Variants in GOSR1 observed in about 807,000 individuals in gnomAD.
GOSR1 encodes the protein golgi SNAP receptor complex member 1.
GOSR1 carries 21 observed loss-of-function variants against 35.5 expected under a neutral mutation model. That is an observed-to-expected ratio of 0.59 (90% confidence interval 0.42 to 0.85). GOSR1 has a LOEUF of 0.85. Among genes scored for constraint, GOSR1 ranks in the 40% least tolerant of loss-of-function variants. GOSR1 has a pLI of 0.00. For missense variants in GOSR1, 285 were observed against 309.6 expected (o/e 0.92, Z 0.60); for synonymous variants, 94 against 106.6 (o/e 0.88, Z 0.73).
At chr17:30,510,308 A>T (rs1967568991) in intron 6 of GOSR1, among the ~76,000 whole-genome samples, 2 of 151,228 alleles carry the variant, frequency 1.3e-5, no homozygotes, top group South Asian at 4.3e-4. Context: ...TCCTGGCCTC[A>T]AGTGATCTGC....
At chr17:30,480,373 A>G (rs1914256537) in intron 1 of GOSR1, among the ~76,000 whole-genome samples, 1 of 152,196 alleles carries the variant, frequency 6.6e-6, no homozygotes, top group African/African-American at 2.4e-5. Flanking sequence ...CATAAGCCTA[A>G]TAAAGCTTTG....
chr17:30,508,338 T>C (rs182782636), intron 6 of GOSR1, among the ~76,000 whole-genome samples: 1 of 152,356 alleles, frequency 6.6e-6, no homozygotes, highest in African/African-American at 2.4e-5. Flanking sequence ...TATGTTCATA[T>C]TATACTTCCT....
At chr17:30,513,729 C>T (rs1222511216) in intron 7 of GOSR1, among the ~76,000 whole-genome samples, 1 of 152,024 alleles carries the variant, frequency 6.6e-6, no homozygotes, top group Non-Finnish European at 1.5e-5. Flanking sequence ...GGCGGGAGGA[C>T]TGCTTGAGGC....
chr17:30,517,816 T>A (rs1169722003), intron 7 of GOSR1, among the ~76,000 whole-genome samples: 1 of 152,216 alleles, frequency 6.6e-6, no homozygotes, highest in Non-Finnish European at 1.5e-5. Context: ...CAAGTTTTGA[T>A]TCATGTGTCA....
At position 30,494,674 on chromosome 17, in the gene GOSR1, C is replaced by G. The variant is rs371339221; in HGVS notation, c.509+1921C>G. Among the ~76,000 whole-genome samples, 19 of 151,954 alleles carry G rather than the reference C, an allele frequency of 1.3e-4. No homozygotes were observed. In the South Asian group the frequency reaches 2.7e-3, roughly 22 times the overall value. On this transcript the variant is annotated intron_variant, in intron 6 of 8. Transcript: ENST00000451249. The stretch of plus-strand genomic sequence containing the variant: ...CCAGGCTGGAGTGTCGCGGTGTGAT[C>G]TCAGCTCACTGTGCCCTCTGCCTCC...
rs373530090 is a variant in GOSR1, at chr17:30,523,148, C to T, written c.*770C>T. 9.3e-5 allele frequency: 18 copies of T among 192,630 alleles called. 1 individual carries two copies. The highest frequency in any genetic ancestry group is 5.1e-4 in the East Asian group (3 of 5,914). 11.9% of individuals were successfully genotyped at this position (192,630 alleles called of 1,614,324 possible). A position where few individuals can be genotyped will look rare whatever the true frequency, so the allele number is the denominator to read the frequency against. ...GCCGAGATTGCAGCCTCTGCCCGGC[C>T]GCCACCCCGTCTGGAAAGTGAGGAG... On this transcript the variant is annotated 3_prime_UTR_variant, in exon 9 of 9. Coordinates refer to ENST00000451249, the MANE Select transcript of GOSR1 (RefSeq NM_001007025.2).
At chr17:30,509,844 A>G (rs541944851) in intron 6 of GOSR1, among the ~76,000 whole-genome samples, 5 of 152,354 alleles carry the variant, frequency 3.3e-5, no homozygotes, top group African/African-American at 9.6e-5. Flanking sequence ...AATAAACATT[A>G]AGATGTAAAT....
At chr17:30,510,021 A>G (rs1045057997) in intron 6 of GOSR1, among the ~76,000 whole-genome samples, 4 of 152,164 alleles carry the variant, frequency 2.6e-5, no homozygotes, top group African/African-American at 7.2e-5. Flanking sequence ...ATTGTCAGGT[A>G]TCTCTGTGGA....
At chr17:30,495,720 T>C (rs1482772234) in intron 6 of GOSR1, 4 of 242,804 alleles carry the variant, frequency 1.6e-5, no homozygotes, top group Non-Finnish European at 3.3e-5. Context: ...CTGGATCTCA[T>C]AGGAGATTAA....
intron 5 of GOSR1, among the ~76,000 whole-genome samples, chr17:30,491,279 GA>G (rs1052579346): frequency 3.3e-5 from 5 of 152,046 alleles, no homozygotes; most frequent in African/African-American, 7.2e-5. Flanking sequence ...CTTGCTTTTT[GA>G]AAAATGGCCA....
chr17:30,484,424 C>G (rs1430986454), intron 3 of GOSR1, 123 bp downstream of exon 3: 1 of 705,870 alleles, frequency 1.4e-6, no homozygotes, highest in Admixed American at 2.2e-5. Flanking sequence ...ATGTGTACCT[C>G]CCCACACCAC....
At chr17:30,500,696 T>C (rs935150881) in intron 6 of GOSR1, among the ~76,000 whole-genome samples, 2 of 152,190 alleles carry the variant, frequency 1.3e-5, no homozygotes, top group African/African-American at 4.8e-5. Context: ...TTCAAAGTTA[T>C]TTTGACTCCT....
At chr17:30,516,893 T>G (rs1187889952) in intron 7 of GOSR1, among the ~76,000 whole-genome samples, 1 of 152,174 alleles carries the variant, frequency 6.6e-6, no homozygotes, top group Admixed American at 6.5e-5. Context: ...TTTGTATTTT[T>G]AGTAGAGAAG....
At chr17:30,478,617 A>G (rs928040069) in intron 1 of GOSR1, 4 of 137,402 alleles carry the variant, frequency 2.9e-5, no homozygotes, top group East Asian at 2.1e-4. Flanking sequence ...CGGTGGCGCT[A>G]TCGATCTCGG....
intron 1 of GOSR1, 40 bp downstream of exon 1, chr17:30,477,504 G>C (rs750936079): frequency 1.3e-6 from 2 of 1,596,704 alleles, no homozygotes; most frequent in South Asian, 1.1e-5. Flanking sequence ...CTACGAGGGT[G>C]AGAGGGGCTG....
At chr17:30,490,552 A>G (rs1337340406) in intron 5 of GOSR1, among the ~76,000 whole-genome samples, 1 of 152,030 alleles carries the variant, frequency 6.6e-6, no homozygotes, top group African/African-American at 2.4e-5. Flanking sequence ...TCCTCTGCAG[A>G]TGTGTCAAAG....
intron 4 of GOSR1, among the ~76,000 whole-genome samples, chr17:30,489,520 T>G (rs1422449517): frequency 6.6e-6 from 1 of 152,228 alleles, no homozygotes; most frequent in Non-Finnish European, 1.5e-5. Flanking sequence ...TTCTCCTCCA[T>G]GTTTATGTGT....
intron 6 of GOSR1, among the ~76,000 whole-genome samples, chr17:30,492,989 G>A: frequency 6.7e-6 from 1 of 150,354 alleles, no homozygotes; most frequent in South Asian, 2.1e-4. Flanking sequence ...TAATATGGTT[G>A]TTATTTTTTT....
rs913661007 is a variant in GOSR1 at position 30,522,539 on chromosome 17, T to C, written c.*161T>C. On this transcript the variant is annotated 3_prime_UTR_variant, in exon 9 of 9. Coordinates refer to ENST00000451249, the MANE Select transcript of GOSR1 (RefSeq NM_001007025.2). ...ACTCTGTGACATGGTCAGGTTGAGCTGAAGCCACAGTTTCTCTGTGCTGTG... is the reference window on the plus strand; with the variant it reads ...ACTCTGTGACATGGTCAGGTTGAGCCGAAGCCACAGTTTCTCTGTGCTGTG... 6.3e-6 allele frequency: 3 copies of C among 475,958 alleles called. No individual in the cohort carries two copies. The Admixed American group carries it at 9.7e-5, about 15-fold the overall frequency. 29.5% of individuals were successfully genotyped at this position (475,958 alleles called of 1,614,324 possible). A position where few individuals can be genotyped will look rare whatever the true frequency, so the allele number is the denominator to read the frequency against.
Sources: allele counts gnomAD v4.1 joint callset (sites outside exome capture counted in the v4.1 genomes callset), GRCh38; gene constraint gnomAD v4.1.1; transcripts MANE v1.5; gene names NCBI Gene and HGNC (gene_info 2026-07-23, HGNC 2026-07-21).